The following CPED1 variants were observed in gnomAD, a reference collection of about 807,000 sequenced individuals.
CPED1 encodes cadherin like and PC-esterase domain containing 1.
A neutral mutation model predicts 128.2 loss-of-function variants in CPED1; 114 were observed. The ratio of observed to expected loss-of-function variants is 0.89; its 90% CI spans 0.76 to 1.04. CPED1 has a LOEUF of 1.04. Among genes scored for constraint, CPED1 ranks in the 50% least tolerant of loss-of-function variants. CPED1 has a pLI of 0.00. For synonymous variants in CPED1, 462 were observed against 426.7 expected (o/e 1.08, Z -1.02); for missense variants, 1,211 against 1,207.1 (o/e 1.00, Z -0.05).
intron 7 of CPED1, among the ~76,000 whole-genome samples, chr7:121,110,745 A>G (rs1025125901): frequency 2.6e-5 from 4 of 152,186 alleles, no homozygotes; most frequent in Non-Finnish European, 5.9e-5. Flanking sequence ...AAGATAGTGA[A>G]CAGGAGGCTA....
In CPED1 at chr7:121,110,298, G is replaced by A. The variant is rs1052075493; in HGVS notation, c.918+10204G>A. 4.5e-4 allele frequency among the ~76,000 whole-genome samples: 69 copies of A among 152,250 alleles called. 1 individual carries two copies. Among genetic ancestry groups the A allele is most frequent in the Admixed American group, 2.2e-3 (34 of 15,274 alleles). On this transcript the variant is annotated intron_variant, in intron 7 of 22. Coordinates refer to ENST00000310396, the MANE Select transcript of CPED1 (RefSeq NM_024913.5). ...AAGGCAAAGTCCCTGCCTTTGTAAA[G>A]TTTATTCTTGTATGGAATGACAGAT...
At chr7:121,186,364 G>A (rs1194846409) in intron 16 of CPED1, among the ~76,000 whole-genome samples, 2 of 152,146 alleles carry the variant, frequency 1.3e-5, no homozygotes, top group South Asian at 2.1e-4. Flanking sequence ...TGAATGTTGT[G>A]TGTGGGACAC....
At chr7:121,232,688 T>C (rs1297935026) in intron 16 of CPED1, among the ~76,000 whole-genome samples, 1 of 152,088 alleles carries the variant, frequency 6.6e-6, no homozygotes, top group Non-Finnish European at 1.5e-5. Context: ...CATCACGTTT[T>C]GAGAGATCAT....
intron 16 of CPED1, among the ~76,000 whole-genome samples, chr7:121,191,478 G>T (rs1018982290): frequency 6.6e-6 from 1 of 152,102 alleles, no homozygotes; most frequent in Non-Finnish European, 1.5e-5. Flanking sequence ...TCTTTCTATG[G>T]CTGTTGAAAT....
intron 19 of CPED1, 70 bp downstream of exon 19, chr7:121,266,517 C>G: frequency 7.6e-7 from 1 of 1,312,278 alleles, no homozygotes; most frequent in Non-Finnish European, 1.1e-6. Flanking sequence ...GTCGTCACTG[C>G]TCAACTACTC....
intron 16 of CPED1, among the ~76,000 whole-genome samples, chr7:121,227,934 T>C (rs778804027): frequency 7.9e-5 from 12 of 152,066 alleles, no homozygotes; most frequent in Non-Finnish European, 1.6e-4. Flanking sequence ...ATTTTTGGAA[T>C]AAACTTATAG....
At chr7:121,167,976 G>T (rs896284574) in intron 16 of CPED1, among the ~76,000 whole-genome samples, 3 of 151,834 alleles carry the variant, frequency 2.0e-5, no homozygotes, top group Non-Finnish European at 4.4e-5. Context: ...CTCGTGATCC[G>T]CCCGCCTCGG....
At chr7:121,165,096 CTA>C (rs1310946443) in intron 16 of CPED1, among the ~76,000 whole-genome samples, 3 of 152,046 alleles carry the variant, frequency 2.0e-5, no homozygotes, top group Admixed American at 6.5e-5. Context: ...ACATAAATTA[CTA>C]TGTTTCTTAA....
intron 22 of CPED1, among the ~76,000 whole-genome samples, chr7:121,278,434 A>G (rs541921121): frequency 6.6e-6 from 1 of 152,196 alleles, no homozygotes; most frequent in African/African-American, 2.4e-5. Context: ...CAACTACTTG[A>G]ATCCGTACTT....
chr7:121,001,808 G>A (rs1365759527), intron 2 of CPED1, among the ~76,000 whole-genome samples: 1 of 152,040 alleles, frequency 6.6e-6, no homozygotes, highest in African/African-American at 2.4e-5. Context: ...CCTAGTCTGT[G>A]GTCCAGGGAT....
chr7:121,075,001 C>T (rs1017902288), intron 5 of CPED1, among the ~76,000 whole-genome samples: 1 of 152,142 alleles, frequency 6.6e-6, no homozygotes, highest in South Asian at 2.1e-4. Context: ...TGGGCAACTG[C>T]AGCTACAGAC....
At chr7:121,047,495 C>T (rs1563004653) in intron 4 of CPED1, among the ~76,000 whole-genome samples, 1 of 152,094 alleles carries the variant, frequency 6.6e-6, no homozygotes, top group Non-Finnish European at 1.5e-5. Flanking sequence ...GTGCTAATCA[C>T]TGTGCTGGAA....
chr7:121,200,463 T>C (rs1405145080), intron 16 of CPED1, among the ~76,000 whole-genome samples: 4 of 152,132 alleles, frequency 2.6e-5, no homozygotes, highest in Non-Finnish European at 5.9e-5. Flanking sequence ...TGGAAAATGC[T>C]GATTTAAGCC....
chr7:121,190,597 A>G (rs1797113295), intron 16 of CPED1, among the ~76,000 whole-genome samples: 1 of 152,108 alleles, frequency 6.6e-6, no homozygotes, highest in African/African-American at 2.4e-5. Context: ...TATTATTTTC[A>G]GGAACTAATT....
intron 4 of CPED1, among the ~76,000 whole-genome samples, chr7:121,054,393 C>A (rs1004131406): frequency 6.6e-6 from 1 of 152,136 alleles, no homozygotes; most frequent in African/African-American, 2.4e-5. Context: ...TTGTTTAACC[C>A]TAGCATACCC....
chr7:121,188,002 CAT>C (rs1797042554), intron 16 of CPED1, among the ~76,000 whole-genome samples: 1 of 152,082 alleles, frequency 6.6e-6, no homozygotes. Flanking sequence ...TGTTTAAAAA[CAT>C]AAACAATAAG....
At chr7:121,002,502 T>C (rs1441937411) in intron 2 of CPED1, among the ~76,000 whole-genome samples, 1 of 152,154 alleles carries the variant, frequency 6.6e-6, no homozygotes, top group Non-Finnish European at 1.5e-5. Context: ...GTGAAAACAT[T>C]AATAACACAT....
intron 18 of CPED1, among the ~76,000 whole-genome samples, chr7:121,247,544 A>C (rs1798565981): frequency 6.6e-6 from 1 of 152,180 alleles, no homozygotes; most frequent in Admixed American, 6.5e-5. Flanking sequence ...GGAGGCTGGT[A>C]ACCCTGTCCA....
At chr7:121,266,902 C>A in intron 20 of CPED1, 94 bp downstream of exon 20, 1 of 878,222 alleles carries the variant, frequency 1.1e-6, no homozygotes, top group Non-Finnish European at 1.9e-6. Context: ...ATTTAAAGAA[C>A]AACTTATAAT....
Sources: gnomAD v4.1 joint callset for allele counts (sites outside exome capture counted in the v4.1 genomes callset) on GRCh38, gnomAD v4.1.1 for gene constraint, MANE v1.5 for transcripts, NCBI Gene and HGNC (gene_info 2026-07-23, HGNC 2026-07-21) for gene names.